SH3GL2: variants seen among roughly 807,000 people sequenced by gnomAD.
SH3GL2 encodes endophilin-A1.
SH3GL2 carries 24 observed loss-of-function variants against 46.0 expected under a neutral mutation model. The observed-to-expected ratio is 0.52, with a 90% CI of 0.38 to 0.73. The LOEUF is 0.73. SH3GL2 is among the 30% of genes least tolerant of loss of function. SH3GL2 has a pLI of 0.00. For synonymous variants in SH3GL2, 196 were observed against 147.1 expected (o/e 1.33, Z -2.40); for missense variants, 413 against 424.2 (o/e 0.97, Z 0.23).
intron 2 of SH3GL2, among the ~76,000 whole-genome samples, chr9:17,761,148 T>A (rs752500496): frequency 6.6e-6 from 1 of 152,134 alleles, no homozygotes; most frequent in Non-Finnish European, 1.5e-5. Context: ...AAAATATGTT[T>A]CATTTTATTC....
chr9:17,656,701 C>T (rs772459073), intron 1 of SH3GL2, among the ~76,000 whole-genome samples: 4 of 136,830 alleles, frequency 2.9e-5, no homozygotes, highest in Non-Finnish European at 3.0e-5. Context: ...TAAAAAGAGG[C>T]GGAGCTTGTA....
chr9:17,762,311 C>T (rs976635903), intron 3 of SH3GL2, among the ~76,000 whole-genome samples: 7 of 151,482 alleles, frequency 4.6e-5, no homozygotes, highest in East Asian at 1.9e-4. Flanking sequence ...GTTGGGGTTC[C>T]GTGTATTTTA....
intron 3 of SH3GL2, among the ~76,000 whole-genome samples, chr9:17,785,639 AT>A (rs1177328530): frequency 6.6e-6 from 1 of 152,146 alleles, no homozygotes; most frequent in Non-Finnish European, 1.5e-5. Context: ...GGCTTTAACA[AT>A]TTTTTTAATA....
chr9:17,581,855 C>T (rs1382696801), intron 1 of SH3GL2, among the ~76,000 whole-genome samples: 1 of 152,098 alleles, frequency 6.6e-6, no homozygotes, highest in Admixed American at 6.6e-5. Flanking sequence ...TGCACTACCA[C>T]GCTCAGCTAA....
At chr9:17,633,084 C>T (rs1030348916) in intron 1 of SH3GL2, among the ~76,000 whole-genome samples, 3 of 152,198 alleles carry the variant, frequency 2.0e-5, no homozygotes, top group Non-Finnish European at 4.4e-5. Context: ...TGGTCCTCCA[C>T]ATTGCTTTTC....
intron 1 of SH3GL2, among the ~76,000 whole-genome samples, chr9:17,580,440 C>A (rs1357295947): frequency 6.6e-6 from 1 of 152,118 alleles, no homozygotes; most frequent in Non-Finnish European, 1.5e-5. Flanking sequence ...GTGACAGATG[C>A]AGCATGTAAT....
chr9:17,680,529 T>C (rs1026080170), intron 1 of SH3GL2, among the ~76,000 whole-genome samples: 8 of 152,172 alleles, frequency 5.3e-5, no homozygotes, highest in Non-Finnish European at 8.8e-5. Flanking sequence ...TTTTCTTCTT[T>C]ATTAGTCTTC....
intron 1 of SH3GL2, among the ~76,000 whole-genome samples, chr9:17,723,912 CTT>C (rs1213328403): frequency 6.6e-6 from 1 of 152,022 alleles, no homozygotes; most frequent in Non-Finnish European, 1.5e-5. Flanking sequence ...TAATTTTTCT[CTT>C]ATTGATTTCA....
chr9:17,593,629 C>CT (rs1474703645), intron 1 of SH3GL2, among the ~76,000 whole-genome samples: 2 of 152,016 alleles, frequency 1.3e-5, no homozygotes, highest in African/African-American at 4.8e-5. Flanking sequence ...AATGGTTGAC[C>CT]TTTTTCTGAG....
chr9:17,593,428 C>T lies in SH3GL2; in HGVS notation c.45+14141C>T, dbSNP rs1453888538. 5.3e-5 allele frequency among the ~76,000 whole-genome samples: 8 copies of T among 151,722 alleles called. No individual in the cohort carries two copies. In the East Asian group the frequency reaches 1.6e-3, roughly 29 times the overall value. ...GGAGAATCATCTGCAGAATGGGTTG[C>T]TGGTAGGGAGAAATCCCCACACATT... is the stretch of plus-strand genomic sequence containing the variant. On this transcript the variant is annotated intron_variant, in intron 1 of 8. Coordinates refer to ENST00000380607, the MANE Select transcript of SH3GL2 (RefSeq NM_003026.5).
chr9:17,581,580 C>T (rs1407041498), intron 1 of SH3GL2, among the ~76,000 whole-genome samples: 2 of 152,184 alleles, frequency 1.3e-5, no homozygotes, highest in Non-Finnish European at 2.9e-5. Flanking sequence ...CTTTTGTAGC[C>T]ATTTTTTTCC....
At chr9:17,739,730 CAGGAAGGAGCTGAA>C (rs1822469259) in intron 1 of SH3GL2, among the ~76,000 whole-genome samples, 3 of 152,140 alleles carry the variant, frequency 2.0e-5, no homozygotes, top group African/African-American at 7.2e-5. Context: ...ACCATCTTTC[CAGGAAGGAGCTGAA>C]AGCTCTGCAT....
intron 1 of SH3GL2, among the ~76,000 whole-genome samples, chr9:17,706,791 T>C (rs529254799): frequency 1.3e-5 from 2 of 152,128 alleles, no homozygotes; most frequent in South Asian, 4.1e-4. Context: ...AGACTAATCT[T>C]ATACCATTAA....
At chr9:17,704,341 A>G (rs1356498175) in intron 1 of SH3GL2, among the ~76,000 whole-genome samples, 2 of 152,140 alleles carry the variant, frequency 1.3e-5, no homozygotes, top group Non-Finnish European at 2.9e-5. Context: ...GGAAGAATCA[A>G]TATTGTTAAA....
intron 3 of SH3GL2, among the ~76,000 whole-genome samples, chr9:17,772,526 A>G (rs1318564824): frequency 1.3e-5 from 2 of 152,128 alleles, no homozygotes; most frequent in African/African-American, 4.8e-5. Context: ...GCTGGCTACC[A>G]CCATTCTACT....
At chr9:17,677,621 A>G (rs1040523971) in intron 1 of SH3GL2, among the ~76,000 whole-genome samples, 1 of 134,316 alleles carries the variant, frequency 7.4e-6, no homozygotes, top group Non-Finnish European at 1.5e-5. Context: ...TTTAAATTGT[A>G]TGGTATATAT....
At chr9:17,691,972 A>C (rs1821090090) in intron 1 of SH3GL2, among the ~76,000 whole-genome samples, 1 of 152,180 alleles carries the variant, frequency 6.6e-6, no homozygotes, top group Admixed American at 6.5e-5. Context: ...AATATCTATA[A>C]AAATTACAAA....
At chr9:17,581,988 G>C (rs1818285921) in intron 1 of SH3GL2, among the ~76,000 whole-genome samples, 1 of 152,164 alleles carries the variant, frequency 6.6e-6, no homozygotes, top group Non-Finnish European at 1.5e-5. Flanking sequence ...CCTATAGCCT[G>C]GGTTTATAAG....
At chr9:17,768,934 T>C (rs1407390040) in intron 3 of SH3GL2, among the ~76,000 whole-genome samples, 2 of 152,350 alleles carry the variant, frequency 1.3e-5, no homozygotes, top group Admixed American at 6.5e-5. Flanking sequence ...GGATCTGAGC[T>C]CATTCCTTAT....
Sources: allele counts gnomAD v4.1 joint callset (sites outside exome capture counted in the v4.1 genomes callset), GRCh38; gene constraint gnomAD v4.1.1; transcripts MANE v1.5; gene names NCBI Gene and HGNC (gene_info 2026-07-23, HGNC 2026-07-21).